Variants in GALNT9 observed in about 807,000 individuals in gnomAD.
GALNT9 encodes GalNAc transferase 9.
Under a neutral mutation model 63.1 loss-of-function variants are expected in GALNT9, and 47 were observed. The observed-to-expected ratio is 0.75, with a 90% CI of 0.59 to 0.95. The LOEUF is 0.95. GALNT9 is among the 40% of genes least tolerant of loss of function. The probability of loss-of-function intolerance (pLI) is 0.00; values close to 1 mark genes in which losing one functional copy is unlikely to be tolerated. For missense variants in GALNT9, 829 were observed against 874.8 expected, an observed-to-expected ratio of 0.95 and a Z score of 0.66; for synonymous variants, 396 against 365.7, an observed-to-expected ratio of 1.08 and a Z score of -0.94.
intron 2 of GALNT9, among the ~76,000 whole-genome samples, chr12:132,268,772 G>A (rs369292057): frequency 6.6e-6 from 1 of 152,212 alleles, no homozygotes; most frequent in African/African-American, 2.4e-5. Flanking sequence ...CATCAAGCAC[G>A]TGCGCAGGTG....
At chr12:132,297,954 C>T (rs1375736022) in intron 1 of GALNT9, among the ~76,000 whole-genome samples, 1 of 151,660 alleles carries the variant, frequency 6.6e-6, no homozygotes, top group Non-Finnish European at 1.5e-5. Context: ...AATCAACTCA[C>T]TCTCATAATA....
chr12:132,285,024 C>T (rs940185268), intron 2 of GALNT9, among the ~76,000 whole-genome samples: 3 of 152,252 alleles, frequency 2.0e-5, no homozygotes, highest in African/African-American at 4.8e-5. Flanking sequence ...CTTTCCTCCT[C>T]CCCTCTCTTC....
intron 1 of GALNT9, among the ~76,000 whole-genome samples, chr12:132,318,997 C>T (rs1318692050): frequency 3.3e-5 from 5 of 152,226 alleles, no homozygotes; most frequent in African/African-American, 4.8e-5. Context: ...GGCAGCTGCA[C>T]GGGTCCTTTG....
chr12:132,197,300 T>TCC, intron 10 of GALNT9, 47 bp from the exon 11 acceptor site: 4 of 1,595,720 alleles, frequency 2.5e-6, no homozygotes, highest in African/African-American at 1.3e-5. Flanking sequence ...GCGTCCTTGT[T>TCC]CCCCCTCCCC....
intron 1 of GALNT9, among the ~76,000 whole-genome samples, chr12:132,299,570 C>T (rs572593534): frequency 1.5e-5 from 2 of 134,146 alleles, no homozygotes; most frequent in Non-Finnish European, 3.2e-5. Flanking sequence ...GCTGAGATAA[C>T]CCACTCCCAT....
intron 2 of GALNT9, among the ~76,000 whole-genome samples, chr12:132,276,898 A>G (rs1880115529): frequency 6.6e-6 from 1 of 152,096 alleles, no homozygotes. Context: ...GCCAGAACAC[A>G]CACACACATG....
At chr12:132,257,190 C>T (rs986812664) in intron 5 of GALNT9, among the ~76,000 whole-genome samples, 34 of 152,280 alleles carry the variant, frequency 2.2e-4, no homozygotes, top group Non-Finnish European at 1.8e-4. Context: ...AAACACAAGG[C>T]GATCCTTTTC....
chr12:132,301,534 C>G (rs1048833951), intron 1 of GALNT9, among the ~76,000 whole-genome samples: 2 of 152,260 alleles, frequency 1.3e-5, no homozygotes, highest in Non-Finnish European at 2.9e-5. Context: ...GGCCCCTGCC[C>G]CTCCCAATTC....
chr12:132,202,816 G>T (rs1434477540), intron 7 of GALNT9, among the ~76,000 whole-genome samples: 1 of 152,182 alleles, frequency 6.6e-6, no homozygotes, highest in Non-Finnish European at 1.5e-5. Flanking sequence ...CTTTCTTAGG[G>T]TTGTGGGGGT....
rs1555238676 is a variant in GALNT9 at position 132,252,528 on chromosome 12, C to T, written c.960-4501G>A. 6.6e-6 allele frequency among the ~76,000 whole-genome samples: 1 copy of T among 152,086 alleles called. No individual in the cohort carries two copies. Among genetic ancestry groups the T allele is most frequent in the Non-Finnish European group, 1.5e-5 (1 of 68,028 alleles). Reference sequence around the variant, plus strand: ...CAAGAGATTGTCAGAAATAAAGACACAAGACAAAGAGATAAAGAGAAAACA... The same window carrying T: ...CAAGAGATTGTCAGAAATAAAGACATAAGACAAAGAGATAAAGAGAAAACA... On this transcript the variant is annotated intron_variant, in intron 5 of 10. Coordinates refer to ENST00000328957, the MANE Select transcript of GALNT9 (RefSeq NM_001122636.2). The surrounding 1 kb of genome is among the most constrained non-coding windows in gnomAD (Gnocchi z 5.2).
At chr12:132,219,054 G>C (rs570706031) in intron 6 of GALNT9, among the ~76,000 whole-genome samples, 18 of 152,090 alleles carry the variant, frequency 1.2e-4, no homozygotes, top group Non-Finnish European at 2.2e-4. Context: ...CGATGGAGCC[G>C]TTCGAGGAGA....
rs142638421 is a variant in GALNT9 at position 132,300,709 on chromosome 12, G to C, written c.239-14279C>G. 4.9e-3 allele frequency among the ~76,000 whole-genome samples: 446 copies of C among 90,214 alleles called. 4 individuals are homozygous for C. Among genetic ancestry groups the C allele is most frequent in the African/African-American group, 0.017 (329 of 19,266 alleles). 59.2% of individuals were successfully genotyped at this position (90,214 alleles called of 152,430 possible). On this transcript the variant is annotated intron_variant, in intron 1 of 10. Transcript: ENST00000328957. ...AACTCACTCCCATAACTAACCCACTGCCACCACACCTAACCCATCCCTGAG... is the reference window on the plus strand; with the variant it reads ...AACTCACTCCCATAACTAACCCACTCCCACCACACCTAACCCATCCCTGAG...
chr12:132,282,422 C>CGTGTGTGCGTGCATGCGT lies in GALNT9; in HGVS notation c.419+3810_419+3827dup, dbSNP rs782307645. Reference sequence around the variant, plus strand: ...GTGTGCGCGTGTGTGCGTGTGTGTGCGTGTGTGCGTGCATGCGTGTGTGTG... The same window carrying CGTGTGTGCGTGCATGCGT: ...GTGTGCGCGTGTGTGCGTGTGTGTGCGTGTGTGCGTGCATGCGTGTGTGTGCGTGCATGCGTGTGTGTG... On this transcript the variant is annotated intron_variant, in intron 2 of 10. Transcript: ENST00000328957. This position sits in a 1 kb window ranked among gnomAD's most constrained non-coding sequence, Gnocchi z 4.5. Among the ~76,000 whole-genome samples the CGTGTGTGCGTGCATGCGT allele has an allele frequency of 2.0e-5, 3 of 151,056 alleles. No individual in the cohort carries two copies. Among genetic ancestry groups the CGTGTGTGCGTGCATGCGT allele is most frequent in the Admixed American group, 6.6e-5 (1 of 15,242 alleles).
chr12:132,240,602 G>T (rs2136898804), intron 6 of GALNT9: 1 of 455,734 alleles, frequency 2.2e-6, no homozygotes, highest in Non-Finnish European at 4.4e-6. Flanking sequence ...TGGGCTCCGT[G>T]CGTGGCCCCG....
rs1318073463 is a variant in GALNT9 at position 132,327,019 on chromosome 12, C to A, written c.238+1947G>T. On this transcript the variant is annotated intron_variant, in intron 1 of 10. Coordinates refer to ENST00000328957, the MANE Select transcript of GALNT9 (RefSeq NM_001122636.2). The surrounding 1 kb of genome is among the most constrained non-coding windows in gnomAD (Gnocchi z 4.3). ...TCTTGGGTTTAGACACTGTGCCTGGCCTGCTGGTCACAGAGAGGAACGCAG... is the reference window on the plus strand; with the variant it reads ...TCTTGGGTTTAGACACTGTGCCTGGACTGCTGGTCACAGAGAGGAACGCAG... 6.6e-6 allele frequency among the ~76,000 whole-genome samples: 1 copy of A among 152,116 alleles called. No homozygotes were observed. The highest frequency in any genetic ancestry group is 2.4e-5 in the African/African-American group (1 of 41,422).
At chr12:132,244,172 CAAGAG>C (rs1454922759) in intron 6 of GALNT9, among the ~76,000 whole-genome samples, 2 of 137,118 alleles carry the variant, frequency 1.5e-5, no homozygotes, top group African/African-American at 5.4e-5. Context: ...CTCCACGGGC[CAAGAG>C]CACAAGGTGG....
At chr12:132,293,426 A>G (rs868989945) in intron 1 of GALNT9, among the ~76,000 whole-genome samples, 2 of 152,320 alleles carry the variant, frequency 1.3e-5, no homozygotes, top group Middle Eastern at 3.4e-3. Context: ...TGCCTTATTT[A>G]ATACCTATTG....
At chr12:132,217,810 T>TCACCCATCCATC (rs1877279702) in intron 6 of GALNT9, among the ~76,000 whole-genome samples, 2 of 142,834 alleles carry the variant, frequency 1.4e-5, no homozygotes. Context: ...ATCCGTCCAT[T>TCACCCATCCATC]CACCCATCCA....
At chr12:132,197,450 T>G (rs1875597288) in intron 10 of GALNT9, among the ~76,000 whole-genome samples, 197 bp from the exon 11 acceptor site, 1 of 152,166 alleles carries the variant, frequency 6.6e-6, no homozygotes, top group Non-Finnish European at 1.5e-5. Context: ...ATTTCCCATC[T>G]TTCCTGCAGG....
Sources: gnomAD v4.1 joint callset for allele counts (sites outside exome capture counted in the v4.1 genomes callset) on GRCh38, gnomAD v4.1.1 for gene constraint, Gnocchi (gnomAD v3.1) non-coding constraint, MANE v1.5 for transcripts, NCBI Gene and HGNC (gene_info 2026-07-23, HGNC 2026-07-21) for gene names.